Variants in GPC5 observed in about 807,000 individuals in gnomAD.
GPC5 encodes glypican-5.
GPC5 carries 47 observed loss-of-function variants against 53.9 expected under a neutral mutation model. The observed-to-expected ratio is 0.87, with a 90% CI of 0.69 to 1.11. GPC5 has a LOEUF of 1.11. Among genes scored for constraint, GPC5 ranks in the 50% most tolerant of loss-of-function variants. GPC5 has a pLI of 0.00. For missense variants in GPC5, 748 were observed against 713.1 expected, an observed-to-expected ratio of 1.05 and a Z score of -0.56; for synonymous variants, 286 against 263.3, an observed-to-expected ratio of 1.09 and a Z score of -0.84.
intron 3 of GPC5, among the ~76,000 whole-genome samples, chr13:91,717,763 GCCAGGCTGGTC>G (rs2036372052): frequency 1.3e-5 from 2 of 151,956 alleles, no homozygotes; most frequent in East Asian, 3.9e-4. Flanking sequence ...CACCATATTG[GCCAGGCTGGTC>G]TCGAACTCCT....
intron 6 of GPC5, among the ~76,000 whole-genome samples, chr13:92,021,175 C>A (rs2040754813): frequency 6.6e-6 from 1 of 152,072 alleles, no homozygotes; most frequent in South Asian, 2.1e-4. Flanking sequence ...AAATTAGGAT[C>A]TTGAAGAGAT....
At chr13:92,536,234 A>G (rs1301648989) in intron 7 of GPC5, among the ~76,000 whole-genome samples, 1 of 152,160 alleles carries the variant, frequency 6.6e-6, no homozygotes, top group Non-Finnish European at 1.5e-5. Flanking sequence ...GTTCCCAACT[A>G]TCCATGTCAG....
intron 7 of GPC5, among the ~76,000 whole-genome samples, chr13:92,330,236 C>T (rs1175251574): frequency 6.6e-6 from 1 of 152,156 alleles, no homozygotes; most frequent in East Asian, 1.9e-4. Context: ...CCCAAATTCC[C>T]TCTCTTCATT....
chr13:91,977,987 AG>A (rs2040322106), intron 6 of GPC5, among the ~76,000 whole-genome samples: 3 of 145,302 alleles, frequency 2.1e-5, no homozygotes, highest in Non-Finnish European at 3.0e-5. Context: ...AAGAAAGAAA[AG>A]AAAAAAAAAA....
intron 6 of GPC5, among the ~76,000 whole-genome samples, chr13:91,964,111 A>T (rs1416651362): frequency 2.0e-5 from 3 of 152,156 alleles, no homozygotes; most frequent in Non-Finnish European, 4.4e-5. Context: ...TGATGTTCAG[A>T]GGTCTCCAGA....
At chr13:92,815,948 A>C (rs1566430467) in intron 7 of GPC5, among the ~76,000 whole-genome samples, 1 of 151,942 alleles carries the variant, frequency 6.6e-6, no homozygotes, top group South Asian at 2.1e-4. Context: ...TAACTATTAA[A>C]CATCCAGTTG....
chr13:92,861,189 C>T lies in GPC5; in HGVS notation c.1562-5093C>T, dbSNP rs74107099. ...ACCTTAATTTTCTTAACCCAATTCC[C>T]TACCAATTGGCACTTAATTTGCTTA... On this transcript the variant is annotated intron_variant, in intron 7 of 7. Coordinates refer to ENST00000377067, the MANE Select transcript of GPC5 (RefSeq NM_004466.6). Among the ~76,000 whole-genome samples, 914 of 152,152 alleles carry T rather than the reference C, an allele frequency of 6.0e-3. 7 individuals carry two copies. The highest frequency in any genetic ancestry group is 0.021 in the African/African-American group (861 of 41,536).
chr13:92,591,518 A>G (rs1184806934), intron 7 of GPC5, among the ~76,000 whole-genome samples: 3 of 152,186 alleles, frequency 2.0e-5, no homozygotes, highest in Non-Finnish European at 2.9e-5. Flanking sequence ...TAATATTTGA[A>G]GTGTATGCTC....
intron 7 of GPC5, among the ~76,000 whole-genome samples, chr13:92,541,181 C>T (rs1469302680): frequency 6.6e-6 from 1 of 151,542 alleles, no homozygotes; most frequent in East Asian, 1.9e-4. Flanking sequence ...TAACCACAAG[C>T]GTATTTTAAA....
chr13:92,029,347 G>T (rs758087491), intron 6 of GPC5, among the ~76,000 whole-genome samples: 2 of 152,176 alleles, frequency 1.3e-5, no homozygotes, highest in Admixed American at 6.6e-5. Context: ...TAACCTCTAA[G>T]TGGTATTTGG....
chr13:92,572,569 C>A (rs569823303), intron 7 of GPC5, among the ~76,000 whole-genome samples: 20 of 152,200 alleles, frequency 1.3e-4, no homozygotes, highest in Non-Finnish European at 2.4e-4. Flanking sequence ...AAGGGGGTTT[C>A]TTTTTTAAAA....
intron 1 of GPC5, 32 bp from the exon 2 acceptor site, chr13:91,448,729 G>C (rs1257996324): frequency 6.2e-7 from 1 of 1,605,116 alleles, no homozygotes; most frequent in Admixed American, 1.7e-5. Context: ...AAATGAACAG[G>C]TAATCATTCT....
chr13:92,363,333 C>A (rs1364842785), intron 7 of GPC5, among the ~76,000 whole-genome samples: 1 of 151,560 alleles, frequency 6.6e-6, no homozygotes, highest in Non-Finnish European at 1.5e-5. Context: ...CAGAGGTCCC[C>A]AACATTTTTG....
At chr13:91,550,375 G>A (rs916335217) in intron 2 of GPC5, among the ~76,000 whole-genome samples, 2 of 152,096 alleles carry the variant, frequency 1.3e-5, no homozygotes, top group East Asian at 3.9e-4. Context: ...TAATTATGAT[G>A]TGTCAGTATA....
chr13:92,111,897 T>C (rs941195645), intron 6 of GPC5, among the ~76,000 whole-genome samples: 2 of 152,224 alleles, frequency 1.3e-5, no homozygotes, highest in Non-Finnish European at 2.9e-5. Flanking sequence ...TAAAAGTTTA[T>C]ATGAATGCAA....
rs561957257 is a variant in GPC5, at chr13:91,718,493, T to C, written c.1021-10039T>C. Among the ~76,000 whole-genome samples the C allele has an allele frequency of 3.9e-5, 6 of 152,292 alleles. No homozygotes were observed. The East Asian group carries it at 1.2e-3, about 29-fold the overall frequency. ...TCTCACAACCTCAGTATTGATATTG[T>C]AGTAGCTGGCTTTCTTCTCTTGATG... On this transcript the variant is annotated intron_variant, in intron 3 of 7. Coordinates refer to ENST00000377067, the MANE Select transcript of GPC5 (RefSeq NM_004466.6).
chr13:92,318,330 C>T (rs1434411787), intron 7 of GPC5, among the ~76,000 whole-genome samples: 4 of 152,078 alleles, frequency 2.6e-5, no homozygotes, highest in Non-Finnish European at 4.4e-5. Context: ...ACTGCTATCA[C>T]GGCTGATCTC....
chr13:92,066,525 T>C (rs945381769), intron 6 of GPC5, among the ~76,000 whole-genome samples: 1 of 151,586 alleles, frequency 6.6e-6, no homozygotes, highest in African/African-American at 2.4e-5. Context: ...TTCACGTGAG[T>C]TTTGAAGGGA....
At chr13:92,041,117 G>A (rs1462715947) in intron 6 of GPC5, among the ~76,000 whole-genome samples, 1 of 151,924 alleles carries the variant, frequency 6.6e-6, no homozygotes, top group African/African-American at 2.4e-5. Flanking sequence ...CTCCCAAAGT[G>A]CTGAGATTAC....
Sources: gnomAD v4.1 joint callset for allele counts (sites outside exome capture counted in the v4.1 genomes callset) on GRCh38, gnomAD v4.1.1 for gene constraint, MANE v1.5 for transcripts, NCBI Gene and HGNC (gene_info 2026-07-23, HGNC 2026-07-21) for gene names.